SLC7A14: variants seen among roughly 807,000 people sequenced by gnomAD.
SLC7A14 encodes gamma-aminobutyric acid transporter SLC7A14.
A neutral mutation model predicts 60.2 loss-of-function variants in SLC7A14; 37 were observed. The ratio of observed to expected loss-of-function variants is 0.61; its 90% CI spans 0.47 to 0.81. The LOEUF (loss-of-function observed/expected upper bound fraction) is 0.81. Among genes scored for constraint, SLC7A14 ranks in the 30% least tolerant of loss-of-function variants. SLC7A14 has a pLI of 0.00. For synonymous variants in SLC7A14, 399 were observed against 395.8 expected (o/e 1.01, Z -0.10); for missense variants, 886 against 982.7 (o/e 0.90, Z 1.32).
chr3:170,472,298 G>A (rs1739933755), intron 7 of SLC7A14, among the ~76,000 whole-genome samples: 2 of 151,690 alleles, frequency 1.3e-5, no homozygotes, highest in African/African-American at 4.9e-5. Flanking sequence ...GAACCCAGGA[G>A]GTGGAGGTTG....
At chr3:170,548,671 C>T (rs1435115915) in intron 1 of SLC7A14, among the ~76,000 whole-genome samples, 2 of 152,198 alleles carry the variant, frequency 1.3e-5, no homozygotes, top group African/African-American at 4.8e-5. Flanking sequence ...GTCCACATCT[C>T]TGGGAGTGGA....
At chr3:170,519,195 T>A (rs1713261624) in intron 2 of SLC7A14, among the ~76,000 whole-genome samples, 1 of 152,162 alleles carries the variant, frequency 6.6e-6, no homozygotes, top group South Asian at 2.1e-4. Context: ...ACCTTAGATC[T>A]TCCCATCGTA....
At chr3:170,552,684 G>T (rs1430518514) in intron 1 of SLC7A14, among the ~76,000 whole-genome samples, 1 of 152,150 alleles carries the variant, frequency 6.6e-6, no homozygotes, top group Admixed American at 6.5e-5. Context: ...TGCTTAGGAG[G>T]CAATACCACA....
intron 1 of SLC7A14, among the ~76,000 whole-genome samples, chr3:170,530,724 G>T (rs1713655689): frequency 6.6e-6 from 1 of 152,248 alleles, no homozygotes; most frequent in Non-Finnish European, 1.5e-5. Context: ...GTGTGGACCT[G>T]CTGCAGCGGG....
rs1378947007 is a variant in SLC7A14 at position 170,526,624 on chromosome 3, G to A, written c.304+9C>T. ...TTTCCACAGTACTTCCCTGCATGGA[G>A]ACACTTACCTGATAATATGGATGCG... On this transcript the variant is annotated intron_variant, in intron 2 of 7. Coordinates refer to ENST00000231706, the MANE Select transcript of SLC7A14 (RefSeq NM_020949.3). The A allele has an allele frequency of 6.2e-7, 1 of 1,612,790 alleles. No homozygotes were observed. The highest frequency in any genetic ancestry group is 1.3e-5 in the African/African-American group (1 of 74,908).
chr3:170,576,042 T>A (rs561753600), intron 1 of SLC7A14, among the ~76,000 whole-genome samples: 27 of 152,376 alleles, frequency 1.8e-4, no homozygotes, highest in African/African-American at 6.5e-4. Context: ...GTCCCATTTC[T>A]ACAATAGCTT....
At chr3:170,524,094 TGTG>T (rs1713421119) in intron 2 of SLC7A14, among the ~76,000 whole-genome samples, 1 of 152,122 alleles carries the variant, frequency 6.6e-6, no homozygotes, top group Non-Finnish European at 1.5e-5. Context: ...TGCTTGGTGC[TGTG>T]GTGAAGGCCT....
chr3:170,485,948 C>T (rs1199280817), intron 5 of SLC7A14, among the ~76,000 whole-genome samples: 3 of 152,150 alleles, frequency 2.0e-5, no homozygotes, highest in African/African-American at 7.2e-5. Flanking sequence ...CCATTCCCTG[C>T]ACACCAGCCC....
chr3:170,579,652 T>G (rs1282222045), intron 1 of SLC7A14, among the ~76,000 whole-genome samples: 2 of 152,240 alleles, frequency 1.3e-5, no homozygotes, highest in African/African-American at 4.8e-5. Context: ...AAGGATAATA[T>G]TCTGTAAACC....
Position 170,504,366 on chromosome 3 carries a change from G to A in SLC7A14, c.305-3021C>T, listed in dbSNP as rs181538192. Among the ~76,000 whole-genome samples, 305 of 151,872 alleles carry A rather than the reference G, an allele frequency of 2.0e-3. 1 individual carries two copies. Among genetic ancestry groups the A allele is most frequent in the Middle Eastern group, 3.4e-3 (1 of 294 alleles). On this transcript the variant is annotated intron_variant, in intron 2 of 7. Transcript: ENST00000231706. The stretch of plus-strand genomic sequence containing the variant: ...GATGGAGTTTCACTCTGTCGCCCAG[G>A]CTGGAGTGCAGTGGTGTGATCTTGG...
At chr3:170,568,671 C>T (rs1000650769) in intron 1 of SLC7A14, among the ~76,000 whole-genome samples, 62 of 152,222 alleles carry the variant, frequency 4.1e-4, no homozygotes, top group African/African-American at 1.3e-3. Context: ...TTGTTTGTAT[C>T]CTCTTTTATT....
chr3:170,504,079 A>G (rs1712693928), intron 2 of SLC7A14, among the ~76,000 whole-genome samples: 1 of 152,194 alleles, frequency 6.6e-6, no homozygotes, highest in Non-Finnish European at 1.5e-5. Context: ...ATATTTTAAA[A>G]TCTTTCTGAT....
chr3:170,576,656 A>G (rs1240934954), intron 1 of SLC7A14, among the ~76,000 whole-genome samples: 5 of 152,200 alleles, frequency 3.3e-5, no homozygotes, highest in African/African-American at 4.8e-5. Flanking sequence ...GTCTGCATCA[A>G]TTGGAGAATT....
chr3:170,583,683 TA>T (rs1380435026), intron 1 of SLC7A14, among the ~76,000 whole-genome samples: 1 of 152,248 alleles, frequency 6.6e-6, no homozygotes, highest in Non-Finnish European at 1.5e-5. Flanking sequence ...AATATGAAAG[TA>T]CATGTGGACT....
At position 170,535,800 on chromosome 3, in the gene SLC7A14, C is replaced by T. The variant is rs1713819172; in HGVS notation, c.-152-8712G>A. ...TCTTTATCCCCCCTGTCATTTCAGGCAGTGGGTAGTACTCATGTTTCTAGC... is the reference window on the plus strand; with the variant it reads ...TCTTTATCCCCCCTGTCATTTCAGGTAGTGGGTAGTACTCATGTTTCTAGC... On this transcript the variant is annotated intron_variant, in intron 1 of 7. Transcript: ENST00000231706. This position sits in a 1 kb window ranked among gnomAD's most constrained non-coding sequence, Gnocchi z 4.3. Among the ~76,000 whole-genome samples, 1 of 152,198 alleles carries T rather than the reference C, an allele frequency of 6.6e-6. No individual in the cohort carries two copies. Among genetic ancestry groups the T allele is most frequent in the Non-Finnish European group, 1.5e-5 (1 of 68,034 alleles).
intron 1 of SLC7A14, among the ~76,000 whole-genome samples, chr3:170,573,558 A>G (rs561051582): frequency 1.2e-4 from 18 of 152,344 alleles, no homozygotes; most frequent in Non-Finnish European, 2.4e-4. Flanking sequence ...GACACAAGTA[A>G]GATAGGCTAT....
At position 170,498,897 on chromosome 3, in the gene SLC7A14, G is replaced by T. The variant is rs140328642; in HGVS notation, c.542-13C>A. Reference sequence around the variant, plus strand: ...TCTTCACCTTTCCCTAGAGAGGAAAGACATGATTTGACATTGTCTGGAGGG... The same window carrying T: ...TCTTCACCTTTCCCTAGAGAGGAAATACATGATTTGACATTGTCTGGAGGG... On this transcript the variant is annotated splice_polypyrimidine_tract_variant and intron_variant, in intron 3 of 7. Transcript: ENST00000231706. 9.4e-5 allele frequency: 151 copies of T among 1,612,836 alleles called. 1 individual carries two copies. In the African/African-American group the frequency reaches 1.6e-3, roughly 17 times the overall value.
chr3:170,492,592 C>T (rs1332544474), intron 4 of SLC7A14, among the ~76,000 whole-genome samples: 3 of 152,178 alleles, frequency 2.0e-5, no homozygotes, highest in Non-Finnish European at 4.4e-5. Context: ...CCAGCTGATC[C>T]AGAACAGAGT....
At chr3:170,529,176 G>A (rs1468976) in intron 1 of SLC7A14, among the ~76,000 whole-genome samples, 66,103 of 152,052 alleles carry the variant, frequency 0.43, 14,591 homozygotes, top group East Asian at 0.66. Context: ...GAGTAAATAA[G>A]ATACCACCCA....
Sources: gnomAD v4.1 joint callset for allele counts (sites outside exome capture counted in the v4.1 genomes callset) on GRCh38, gnomAD v4.1.1 for gene constraint, Gnocchi (gnomAD v3.1) non-coding constraint, MANE v1.5 for transcripts, NCBI Gene and HGNC (gene_info 2026-07-23, HGNC 2026-07-21) for gene names.